The following ADGRV1 variants were observed in gnomAD, a reference collection of about 807,000 sequenced individuals.
ADGRV1 encodes the protein adhesion G protein-coupled receptor V1.
Under a neutral mutation model 596.2 loss-of-function variants are expected in ADGRV1, and 359 were observed. That is an observed-to-expected ratio of 0.60 (90% CI 0.55 to 0.66). The LOEUF (loss-of-function observed/expected upper bound fraction) is 0.66. Ranked by LOEUF, ADGRV1 falls within the 30% of genes least tolerant of loss-of-function variation. The pLI is 0.00. For missense variants in ADGRV1, 7,274 were observed against 7,575.6 expected (o/e 0.96, Z 1.48); for synonymous variants, 2,681 against 2,679.2 (o/e 1.00, Z -0.02).
At chr5:90,561,875 A>G (rs1325573649) in intron 1 of ADGRV1, among the ~76,000 whole-genome samples, 1 of 152,198 alleles carries the variant, frequency 6.6e-6, no homozygotes, top group East Asian at 1.9e-4. Flanking sequence ...TGGGGGGACA[A>G]ATTGCATAGC....
At chr5:90,576,221 G>A (rs371769677) in intron 1 of ADGRV1, among the ~76,000 whole-genome samples, 255 of 152,066 alleles carry the variant, frequency 1.7e-3, no homozygotes, top group South Asian at 7.1e-3. Flanking sequence ...CCATCAACCC[G>A]TCATTTACAT....
intron 67 of ADGRV1, among the ~76,000 whole-genome samples, chr5:90,785,784 C>T (rs1228493519): frequency 1.3e-5 from 2 of 152,152 alleles, no homozygotes; most frequent in Admixed American, 1.3e-4. Flanking sequence ...GAAATAGGAA[C>T]GCTTTTACAC....
chr5:91,110,165 G>A (rs1405506072), intron 87 of ADGRV1, among the ~76,000 whole-genome samples: 1 of 152,016 alleles, frequency 6.6e-6, no homozygotes, highest in Non-Finnish European at 1.5e-5. Context: ...ATTTCTAAGG[G>A]GATTCATGCT....
chr5:90,573,458 G>C (rs1756801675), intron 1 of ADGRV1, among the ~76,000 whole-genome samples: 1 of 152,100 alleles, frequency 6.6e-6, no homozygotes, highest in African/African-American at 2.4e-5. Flanking sequence ...ATGGCTCCTA[G>C]GCTAAAAACC....
At chr5:90,582,241 C>A (rs897876545) in intron 1 of ADGRV1, among the ~76,000 whole-genome samples, 1 of 150,688 alleles carries the variant, frequency 6.6e-6, no homozygotes, top group East Asian at 2.0e-4. Flanking sequence ...TCCAGAATTT[C>A]TTTGTTAATT....
chr5:91,140,738 G>C (rs977870228), intron 87 of ADGRV1, among the ~76,000 whole-genome samples: 1 of 152,098 alleles, frequency 6.6e-6, no homozygotes, highest in Non-Finnish European at 1.5e-5. Context: ...GAGGGAGTTT[G>C]GATTCTTGTA....
chr5:90,828,181 A>G (rs1764219380), intron 76 of ADGRV1, among the ~76,000 whole-genome samples: 9 of 152,210 alleles, frequency 5.9e-5, no homozygotes, highest in Admixed American at 5.2e-4. Flanking sequence ...AGCAAACTGT[A>G]ACCAGCAGAC....
intron 85 of ADGRV1, among the ~76,000 whole-genome samples, chr5:90,988,336 T>C (rs981451413): frequency 6.6e-6 from 1 of 152,220 alleles, no homozygotes; most frequent in Non-Finnish European, 1.5e-5. Flanking sequence ...TAAATAGTAA[T>C]ACCCTGGTTA....
In ADGRV1 at chr5:90,810,731, C is replaced by T. The variant is rs146082509; in HGVS notation, c.15471C>T (p.Ser5157=). 1.1e-4 allele frequency: 181 copies of T among 1,613,816 alleles called. 3 individuals are homozygous for T. The East Asian group carries it at 1.5e-3, about 14-fold the overall frequency. ...CTCTCATTCCTGTAGAAACTGAATC[C>T]ACCACATACCTCAGCACAAGCAAGA... ...DTTLIPVETE[S]TTYLSTSKTT... is the part of the protein sequence containing the mutation. The change falls in exon 74 of 90, where the codon TCC becomes TCT. Residue 5157 remains serine (S), a synonymous_variant. Transcript: ENST00000405460.
intron 84 of ADGRV1, among the ~76,000 whole-genome samples, chr5:90,978,351 T>G (rs912806885): frequency 4.6e-5 from 7 of 152,082 alleles, no homozygotes; most frequent in African/African-American, 1.4e-4. Context: ...CCTCTTAAAC[T>G]ATTACCTTCA....
chr5:90,985,207 TAACTTAAAAAAATCAA>T, intron 84 of ADGRV1, 121 bp from the exon 85 acceptor site: 1 of 507,172 alleles, frequency 2.0e-6, no homozygotes, highest in Non-Finnish European at 3.4e-6. Context: ...ATGTATGAAC[TAACTTAAAAAAATCAA>T]AACTAATTAT....
At position 90,974,203 on chromosome 5, in the gene ADGRV1, C is replaced by T. The variant is rs1195910880; in HGVS notation, c.17973+8672C>T. On this transcript the variant is annotated intron_variant, in intron 84 of 89. Transcript: ENST00000405460. Reference sequence around the variant, plus strand: ...CACTGCTCAATGAAATAAAAGAGGACACAAAGAAATGGAAGAACATTCCAT... The same window carrying T: ...CACTGCTCAATGAAATAAAAGAGGATACAAAGAAATGGAAGAACATTCCAT... 9.2e-5 allele frequency among the ~76,000 whole-genome samples: 14 copies of T among 152,130 alleles called. No individual in the cohort carries two copies. In the South Asian group the frequency reaches 1.5e-3, roughly 16 times the overall value.
intron 61 of ADGRV1, among the ~76,000 whole-genome samples, chr5:90,777,469 C>G (rs1189298601): frequency 1.3e-5 from 2 of 152,200 alleles, no homozygotes; most frequent in East Asian, 1.9e-4. Flanking sequence ...AATGGCATAG[C>G]TGGGTTTGAC....
At position 90,781,489 on chromosome 5, in the gene ADGRV1, G is replaced by T. The variant is rs779288913; in HGVS notation, c.13142G>T (p.Gly4381Val). 1 of 1,610,410 alleles carries T rather than the reference G, an allele frequency of 6.2e-7. No individual in the cohort carries two copies. ...CAGATAGATCAACCTCCTGAAATAG[G>T]AAACATCTCCATTGTTCGCATCATA... ...GLQIDQPPEIGNISIVRIIIM... is the reference protein window; with the variant it reads ...GLQIDQPPEIVNISIVRIIIM... The change falls in exon 65 of 90, where the codon GGA (glycine) becomes GTA (valine). Residue 4381 changes from glycine (G) to valine (V), a missense_variant. Coordinates refer to ENST00000405460, the MANE Select transcript of ADGRV1 (RefSeq NM_032119.4).
At chr5:90,976,340 ATATATATATG>A (rs1779607825) in intron 84 of ADGRV1, among the ~76,000 whole-genome samples, 1 of 145,604 alleles carries the variant, frequency 6.9e-6, no homozygotes, top group African/African-American at 2.5e-5. Flanking sequence ...ATATATATAT[ATATATATATG>A]TATATGTATA....
chr5:90,697,516 G>T (rs923885290), intron 34 of ADGRV1, among the ~76,000 whole-genome samples: 1 of 150,462 alleles, frequency 6.6e-6, no homozygotes, highest in African/African-American at 2.5e-5. Context: ...CAAGTATAGC[G>T]TATGCCCAAG....
intron 83 of ADGRV1, among the ~76,000 whole-genome samples, chr5:90,872,404 T>C (rs1483639933): frequency 6.6e-6 from 1 of 150,752 alleles, no homozygotes; most frequent in Non-Finnish European, 1.5e-5. Context: ...ATCTAGAAAA[T>C]TATACATATG....
chr5:90,994,255 G>T (rs1781226868), intron 85 of ADGRV1, among the ~76,000 whole-genome samples: 1 of 151,800 alleles, frequency 6.6e-6, no homozygotes. Flanking sequence ...TAGAGATGGG[G>T]TTTCACCATG....
intron 85 of ADGRV1, among the ~76,000 whole-genome samples, chr5:91,069,328 A>C (rs1406636086): frequency 6.6e-6 from 1 of 152,204 alleles, no homozygotes; most frequent in Non-Finnish European, 1.5e-5. Flanking sequence ...GACAACTTTC[A>C]AAATGGGAGA....
Sources: allele counts gnomAD v4.1 joint callset (sites outside exome capture counted in the v4.1 genomes callset), GRCh38; gene constraint gnomAD v4.1.1; transcripts MANE v1.5; gene names NCBI Gene and HGNC (gene_info 2026-07-23, HGNC 2026-07-21).